The following CAMK2B variants were observed in gnomAD, a reference collection of about 807,000 sequenced individuals.
CAMK2B encodes calcium/calmodulin dependent protein kinase II beta, also known as calcium/calmodulin-dependent protein kinase type II subunit beta.
CAMK2B carries 27 observed loss-of-function variants against 93.7 expected under a neutral mutation model. The ratio of observed to expected loss-of-function variants is 0.29; its 90% CI spans 0.21 to 0.40. The LOEUF (loss-of-function observed/expected upper bound fraction) is 0.40, where lower values mean the gene tolerates loss of function less well. CAMK2B is among the 10% of genes least tolerant of loss of function. The probability of loss-of-function intolerance (pLI) is 1.00; values close to 1 mark genes in which losing one functional copy is unlikely to be tolerated. For missense variants in CAMK2B, 568 were observed against 895.8 expected, an observed-to-expected ratio of 0.63 and a Z score of 4.67; for synonymous variants, 374 against 358.8, an observed-to-expected ratio of 1.04 and a Z score of -0.48.
chr7:44,241,643 G>A, intron 11 of CAMK2B, 57 bp downstream of exon 11: 2 of 1,417,028 alleles, frequency 1.4e-6, no homozygotes, highest in Non-Finnish European at 2.0e-6. Flanking sequence ...CCCTGCTCCA[G>A]CCCAGAGGGA....
intron 2 of CAMK2B, among the ~76,000 whole-genome samples, chr7:44,279,767 C>T (rs1220636084): frequency 6.6e-6 from 1 of 152,200 alleles, no homozygotes; most frequent in Non-Finnish European, 1.5e-5. Context: ...ACTCATAGAG[C>T]ACTTTGAGAA....
chr7:44,240,619 T>G (rs1584059886), intron 12 of CAMK2B, 88 bp downstream of exon 12: 2 of 1,423,334 alleles, frequency 1.4e-6, no homozygotes, highest in Non-Finnish European at 2.0e-6. Context: ...AGAGGAGGAG[T>G]GGAGAGGCTG....
intron 3 of CAMK2B, among the ~76,000 whole-genome samples, chr7:44,260,226 G>A (rs971485889): frequency 2.6e-5 from 4 of 152,070 alleles, no homozygotes; most frequent in Admixed American, 6.5e-5. Context: ...TGCATGCTCC[G>A]GCGCTGTCCC....
chr7:44,277,270 C>G (rs1049145539), intron 2 of CAMK2B, among the ~76,000 whole-genome samples: 1 of 152,176 alleles, frequency 6.6e-6, no homozygotes, highest in South Asian at 2.1e-4. Context: ...CCTCTAACTG[C>G]TTTTGTTAAC....
chr7:44,264,600 C>T (rs1584378282), intron 2 of CAMK2B, among the ~76,000 whole-genome samples: 1 of 152,282 alleles, frequency 6.6e-6, no homozygotes, highest in African/African-American at 2.4e-5. Context: ...GGAGTCAGAC[C>T]CCATCCCGCT....
At chr7:44,322,544 T>C (rs1796364662) in intron 1 of CAMK2B, among the ~76,000 whole-genome samples, 1 of 152,252 alleles carries the variant, frequency 6.6e-6, no homozygotes, top group African/African-American at 2.4e-5. Context: ...AACTGCACTG[T>C]TGGCTGGGCC....
intron 1 of CAMK2B, among the ~76,000 whole-genome samples, chr7:44,297,876 C>A (rs1788723151): frequency 6.6e-6 from 1 of 152,210 alleles, no homozygotes; most frequent in Non-Finnish European, 1.5e-5. Context: ...GTAATCCCAG[C>A]ACTTTGGGAG....
At chr7:44,293,904 C>A (rs1052351767) in intron 1 of CAMK2B, among the ~76,000 whole-genome samples, 1 of 152,212 alleles carries the variant, frequency 6.6e-6, no homozygotes, top group Non-Finnish European at 1.5e-5. Context: ...TGTTCAATTT[C>A]AGCCTCAGGG....
intron 1 of CAMK2B, among the ~76,000 whole-genome samples, chr7:44,291,720 T>C (rs1195117647): frequency 6.6e-6 from 1 of 152,238 alleles, no homozygotes; most frequent in Non-Finnish European, 1.5e-5. Context: ...GCTTCCTCCA[T>C]TAGCAAGCGT....
chr7:44,237,484 A>G lies in CAMK2B; in HGVS notation c.1021+2105T>C, dbSNP rs138294913. On this transcript the variant is annotated intron_variant, in intron 13 of 23. Transcript: ENST00000395749. ...CTGTTGTCTCAGTCAGTTCCCAAAC[A>G]TCCTTCCTTGTGAACCCGCTTTTAA... Among the ~76,000 whole-genome samples, 20 of 152,342 alleles carry G rather than the reference A, an allele frequency of 1.3e-4. No homozygotes were observed. In the East Asian group the frequency reaches 3.9e-3, roughly 29 times the overall value.
intron 11 of CAMK2B, 29 bp from the exon 12 acceptor site, chr7:44,240,778 C>T (rs761873239): frequency 1.2e-6 from 2 of 1,611,476 alleles, no homozygotes; most frequent in East Asian, 2.2e-5. Context: ...AAAACCGGGG[C>T]TATCCCATCA....
intron 1 of CAMK2B, among the ~76,000 whole-genome samples, chr7:44,293,425 C>T (rs371427345): frequency 1.8e-4 from 27 of 152,278 alleles, no homozygotes; most frequent in Middle Eastern, 3.4e-3. Flanking sequence ...CATGGGTTAA[C>T]GTGGTCGTCG....
At chr7:44,273,399 T>G (rs2096994094) in intron 2 of CAMK2B, among the ~76,000 whole-genome samples, 1 of 152,140 alleles carries the variant, frequency 6.6e-6, no homozygotes, top group African/African-American at 2.4e-5. Flanking sequence ...AGGACTCCCG[T>G]GCTCACAAAT....
chr7:44,314,522 G>A (rs1315325524), intron 1 of CAMK2B, among the ~76,000 whole-genome samples: 3 of 152,072 alleles, frequency 2.0e-5, no homozygotes, highest in Non-Finnish European at 4.4e-5. Context: ...TTTTTCTCAC[G>A]CATTCAATCA....
intron 17 of CAMK2B, 73 bp from the exon 18 acceptor site, chr7:44,229,574 G>A (rs751970481): frequency 2.7e-5 from 18 of 670,682 alleles, no homozygotes; most frequent in Middle Eastern, 3.9e-4. Flanking sequence ...GAGAAGGACA[G>A]GGGGAGGCCA....
At chr7:44,304,824 G>C (rs1281485896) in intron 1 of CAMK2B, among the ~76,000 whole-genome samples, 1 of 152,156 alleles carries the variant, frequency 6.6e-6, no homozygotes, top group Non-Finnish European at 1.5e-5. Flanking sequence ...GTTAACAACA[G>C]GGGTGGGGAA....
chr7:44,307,109 A>C (rs1227122736), intron 1 of CAMK2B, among the ~76,000 whole-genome samples: 2 of 111,904 alleles, frequency 1.8e-5, no homozygotes, highest in Non-Finnish European at 3.7e-5. Context: ...GGAGGGTGTG[A>C]GCAGGAGGAG....
Position 44,234,395 on chromosome 7 carries a change from C to A in CAMK2B, c.1126G>T (p.Ala376Ser). The A allele has an allele frequency of 6.6e-7, 1 of 1,523,938 alleles. No individual in the cohort carries two copies. Among genetic ancestry groups the A allele is most frequent in the Non-Finnish European group, 8.8e-7 (1 of 1,138,518 alleles). The allele number at this position is 1,523,938 out of a possible 1,614,324, so 94.4% of individuals were successfully genotyped here. Reference protein sequence around the residue: ...TSPKGTLPPAALEPQTTVIHN... With the variant: ...TSPKGTLPPASLEPQTTVIHN... ...GAATTTGAGGAGCTCAGTACCAGGG[C>A]GGCAGGAGGAAGCGTCCCTTTGGGG... is the stretch of plus-strand genomic sequence containing the variant. Residue 376 changes from alanine (A) to serine (S), a missense_variant, in exon 15 of 24, where the codon GCC (alanine) becomes TCC (serine). Physicochemically the swap from Ala to Ser is moderately conservative, Grantham distance 99. Around this residue, in one of 4 missense-constraint regions of CAMK2B, gnomAD observed 308 missense variants for 292.1 expected, o/e 1.05. Coordinates refer to ENST00000395749, the MANE Select transcript of CAMK2B (RefSeq NM_001220.5).
chr7:44,260,284 C>G (rs989978541), intron 3 of CAMK2B, among the ~76,000 whole-genome samples: 1 of 152,212 alleles, frequency 6.6e-6, no homozygotes, highest in Non-Finnish European at 1.5e-5. Context: ...CTCTGGTTCT[C>G]CCAGGGGCCC....
Sources: gnomAD v4.1 joint callset for allele counts (sites outside exome capture counted in the v4.1 genomes callset) on GRCh38, gnomAD v4.1.1 for gene constraint, gnomAD v4.1.1 regional missense constraint, MANE v1.5 for transcripts, NCBI Gene and HGNC (gene_info 2026-07-23, HGNC 2026-07-21) for gene names.